Variants in PPARGC1A observed in about 807,000 individuals in gnomAD.
PPARGC1A encodes PPARG coactivator 1 alpha, also known as peroxisome proliferator-activated receptor gamma coactivator 1-alpha.
In PPARGC1A, 25 loss-of-function variants were observed where a neutral mutation model predicts 88.7. The ratio of observed to expected loss-of-function variants is 0.28; its 90% CI spans 0.21 to 0.39. The LOEUF (loss-of-function observed/expected upper bound fraction) is 0.39. PPARGC1A is among the 10% of genes least tolerant of loss of function. The pLI is 1.00. For synonymous variants in PPARGC1A, 363 were observed against 355.6 expected, an observed-to-expected ratio of 1.02 and a Z score of -0.24; for missense variants, 880 against 968.7, an observed-to-expected ratio of 0.91 and a Z score of 1.22.
At chr4:24,146,106 G>C in the PPARGC1A span, among the ~76,000 whole-genome samples, 1 of 152,190 alleles carries the variant, frequency 6.6e-6, no homozygotes, top group Non-Finnish European at 1.5e-5. Flanking sequence ...AAACATGAAT[G>C]TGTCTTCTGA....
chr4:23,979,776 C>CTCT, the PPARGC1A span, among the ~76,000 whole-genome samples: 3 of 152,162 alleles, frequency 2.0e-5, no homozygotes, highest in African/African-American at 7.2e-5. Flanking sequence ...CGCCTCTATT[C>CTCT]AGATAGCCTC....
intron 2 of PPARGC1A, among the ~76,000 whole-genome samples, chr4:23,843,608 T>C (rs2148619143): frequency 6.6e-6 from 1 of 152,102 alleles, no homozygotes; most frequent in East Asian, 1.9e-4. Flanking sequence ...AGATAAGACA[T>C]GAACAAATGG....
At chr4:23,987,252 A>G in the PPARGC1A span, among the ~76,000 whole-genome samples, 1 of 152,032 alleles carries the variant, frequency 6.6e-6, no homozygotes, top group Non-Finnish European at 1.5e-5. Flanking sequence ...TCAGACACAG[A>G]TGACACAGAG....
intron 2 of PPARGC1A, among the ~76,000 whole-genome samples, chr4:23,878,021 T>C (rs1159644679): frequency 6.6e-6 from 1 of 152,178 alleles, no homozygotes; most frequent in Non-Finnish European, 1.5e-5. Context: ...TTGAAGTAAA[T>C]CTAAGAAGCA....
the PPARGC1A span, among the ~76,000 whole-genome samples, chr4:24,096,040 A>G: frequency 6.6e-6 from 1 of 152,226 alleles, no homozygotes; most frequent in South Asian, 2.1e-4. Flanking sequence ...CTTGAATTGG[A>G]GGAGGGGCCT....
At chr4:23,970,746 C>T in the PPARGC1A span, among the ~76,000 whole-genome samples, 1 of 152,208 alleles carries the variant, frequency 6.6e-6, no homozygotes, top group Non-Finnish European at 1.5e-5. Flanking sequence ...CACACCCTTT[C>T]TTCCTACCTC....
At chr4:24,039,833 C>T in the PPARGC1A span, among the ~76,000 whole-genome samples, 2 of 152,166 alleles carry the variant, frequency 1.3e-5, no homozygotes, top group Non-Finnish European at 2.9e-5. Context: ...AACGTAGCCA[C>T]AGCCACTGCT....
At chr4:24,253,597 G>T in the PPARGC1A span, among the ~76,000 whole-genome samples, 1 of 152,204 alleles carries the variant, frequency 6.6e-6, no homozygotes, top group Non-Finnish European at 1.5e-5. Flanking sequence ...AGTCATACAT[G>T]TAAGATTAAC....
the PPARGC1A span, among the ~76,000 whole-genome samples, chr4:24,082,736 G>T: frequency 6.6e-6 from 1 of 151,952 alleles, no homozygotes; most frequent in African/African-American, 2.4e-5. Flanking sequence ...ATATTCCTTA[G>T]CCATCATCAG....
chr4:23,947,588 G>T, the PPARGC1A span, among the ~76,000 whole-genome samples: 39 of 151,750 alleles, frequency 2.6e-4, no homozygotes, highest in South Asian at 1.0e-3. Flanking sequence ...ACTCTCTGAA[G>T]CTTGTTGACA....
the PPARGC1A span, among the ~76,000 whole-genome samples, chr4:24,409,473 C>T: frequency 6.6e-6 from 1 of 152,144 alleles, no homozygotes; most frequent in Non-Finnish European, 1.5e-5. Context: ...TTCCTAAATA[C>T]TTAAAGGGAC....
chr4:23,814,643 G>A (rs760574578), intron 7 of PPARGC1A, 38 bp from the exon 8 acceptor site: 20 of 1,378,294 alleles, frequency 1.5e-5, no homozygotes, highest in South Asian at 2.9e-5. Flanking sequence ...AAAAGAGAGA[G>A]AAAGAAAAGA....
chr4:24,046,083 A>G, the PPARGC1A span, among the ~76,000 whole-genome samples: 1 of 152,214 alleles, frequency 6.6e-6, no homozygotes, highest in Admixed American at 6.5e-5. Context: ...ATATAGAGTA[A>G]CAATGTACCC....
chr4:23,850,512 T>C (rs1463399184), intron 2 of PPARGC1A, among the ~76,000 whole-genome samples: 1 of 152,150 alleles, frequency 6.6e-6, no homozygotes, highest in African/African-American at 2.4e-5. Flanking sequence ...TCTAGCCTTG[T>C]TTCTAGTAGA....
chr4:24,339,777 C>T, the PPARGC1A span, among the ~76,000 whole-genome samples: 2 of 152,178 alleles, frequency 1.3e-5, no homozygotes, highest in Admixed American at 6.5e-5. Flanking sequence ...CTAGCTCTGT[C>T]GTCCAGGCTG....
the PPARGC1A span, among the ~76,000 whole-genome samples, chr4:24,315,683 C>A: frequency 6.6e-6 from 1 of 152,100 alleles, no homozygotes; most frequent in Admixed American, 6.5e-5. Flanking sequence ...ACTGAGGAAA[C>A]GCTACTGGCA....
chr4:23,898,910 A>G (rs942377823), intron 1 of PPARGC1A, among the ~76,000 whole-genome samples: 20 of 147,548 alleles, frequency 1.4e-4, no homozygotes, highest in Non-Finnish European at 4.4e-5. Context: ...ATCTCAGCTC[A>G]CTGCAACCTC....
At chr4:24,373,264 G>A in the PPARGC1A span, among the ~76,000 whole-genome samples, 1 of 152,208 alleles carries the variant, frequency 6.6e-6, no homozygotes, top group Non-Finnish European at 1.5e-5. Flanking sequence ...AGCAGATGGA[G>A]GAGGAAAAAG....
intron 1 of PPARGC1A, among the ~76,000 whole-genome samples, chr4:23,885,373 A>G (rs1716697330): frequency 2.0e-5 from 3 of 152,224 alleles, no homozygotes; most frequent in Non-Finnish European, 2.9e-5. Context: ...CTATTGCTAA[A>G]TGGAAAAAGA....
Sources: allele counts gnomAD v4.1 joint callset (sites outside exome capture counted in the v4.1 genomes callset), GRCh38; gene constraint gnomAD v4.1.1; transcripts MANE v1.5; gene names NCBI Gene and HGNC (gene_info 2026-07-23, HGNC 2026-07-21).